GRB2: variants seen among roughly 807,000 people sequenced by gnomAD.
GRB2 encodes growth factor receptor-bound protein 2.
A neutral mutation model predicts 27.4 loss-of-function variants in GRB2; 2 were observed. The ratio of observed to expected loss-of-function variants is 0.07; its 90% CI spans 0.03 to 0.23. The LOEUF (loss-of-function observed/expected upper bound fraction) is 0.23. Among genes scored for constraint, GRB2 ranks in the 10% least tolerant of loss-of-function variants. The pLI, the probability that GRB2 is intolerant of heterozygous loss-of-function variation, is 1.00. For synonymous variants in GRB2, 94 were observed against 99.6 expected, an observed-to-expected ratio of 0.94 and a Z score of 0.33; for missense variants, 102 against 282.4, an observed-to-expected ratio of 0.36 and a Z score of 4.58.
intron 5 of GRB2, 60 bp downstream of exon 5, chr17:75,321,599 T>C: frequency 1.3e-6 from 2 of 1,515,040 alleles, no homozygotes; most frequent in South Asian, 2.3e-5. Flanking sequence ...CCTACAGGAA[T>C]GCACACTGAG....
At chr17:75,337,308 G>A (rs1259182937) in intron 2 of GRB2, among the ~76,000 whole-genome samples, 3 of 151,832 alleles carry the variant, frequency 2.0e-5, no homozygotes, top group African/African-American at 7.3e-5. Flanking sequence ...AAACTGGAGT[G>A]ATGTAATTAG....
intron 2 of GRB2, among the ~76,000 whole-genome samples, chr17:75,384,224 T>C (rs1473124656): frequency 1.3e-5 from 2 of 152,198 alleles, no homozygotes; most frequent in East Asian, 3.8e-4. Flanking sequence ...ACAGTGAACT[T>C]CAGCCTAAGA....
intron 2 of GRB2, among the ~76,000 whole-genome samples, chr17:75,359,314 T>C (rs1161621475): frequency 3.3e-5 from 5 of 151,478 alleles, no homozygotes; most frequent in African/African-American, 1.2e-4. Context: ...AAGACCAGCC[T>C]AGGCAACAAA....
chr17:75,395,682 G>A (rs2079025006), intron 1 of GRB2, among the ~76,000 whole-genome samples: 3 of 151,966 alleles, frequency 2.0e-5, no homozygotes, highest in South Asian at 2.1e-4. Flanking sequence ...TGCTTTCTCA[G>A]TTTATTCCAG....
rs35602764 is a variant in GRB2 at position 75,350,235 on chromosome 17, G to GAAAA, written c.79-17442_79-17439dup. ...TATAGCAAGATCTCATCTCTGAGGG[G>GAAAA]AAAAAAAAAAAAAAAAAGACTGAGT... On this transcript the variant is annotated intron_variant, in intron 2 of 5. Coordinates refer to ENST00000316804, the MANE Select transcript of GRB2 (RefSeq NM_002086.5). 2.7e-3 allele frequency among the ~76,000 whole-genome samples: 352 copies of GAAAA among 130,916 alleles called. 8 individuals are homozygous for GAAAA. The highest frequency in any genetic ancestry group is 0.017 in the East Asian group (77 of 4,438). 85.9% of individuals were successfully genotyped at this position (130,916 alleles called of 152,430 possible). A position where few individuals can be genotyped will look rare whatever the true frequency, so the allele number is the denominator to read the frequency against.
chr17:75,389,390 G>A (rs2078984619), intron 2 of GRB2, among the ~76,000 whole-genome samples: 1 of 152,126 alleles, frequency 6.6e-6, no homozygotes, highest in Admixed American at 6.6e-5. Flanking sequence ...GACTCTAGCA[G>A]TTACAGTGTG....
chr17:75,383,259 A>C (rs2078941357), intron 2 of GRB2, among the ~76,000 whole-genome samples: 1 of 152,198 alleles, frequency 6.6e-6, no homozygotes, highest in Non-Finnish European at 1.5e-5. Flanking sequence ...GGCCCCCAGT[A>C]GGACACAGCA....
chr17:75,321,834 G>A lies in GRB2; in HGVS notation c.300-7C>T. The A allele has an allele frequency of 6.2e-7, 1 of 1,613,056 alleles. No homozygotes were observed. On this transcript the variant is annotated splice_polypyrimidine_tract_variant and splice_region_variant and intron_variant, in intron 4 of 5. Coordinates refer to ENST00000316804, the MANE Select transcript of GRB2 (RefSeq NM_002086.5). ...CTGCACATCGTTTCCAAACCTGGGAGGGACAGAAAGCACATGTGACCGGCT... is the reference window on the plus strand; with the variant it reads ...CTGCACATCGTTTCCAAACCTGGGAAGGACAGAAAGCACATGTGACCGGCT...
At chr17:75,345,905 G>C (rs2078651860) in intron 2 of GRB2, among the ~76,000 whole-genome samples, 1 of 152,128 alleles carries the variant, frequency 6.6e-6, no homozygotes, top group East Asian at 1.9e-4. Flanking sequence ...GCTCTCCTGT[G>C]GGTGGTCTGG....
chr17:75,374,673 G>A (rs1365440018), intron 2 of GRB2, among the ~76,000 whole-genome samples: 1 of 151,828 alleles, frequency 6.6e-6, no homozygotes, highest in Admixed American at 6.6e-5. Flanking sequence ...TGTAGTCCCA[G>A]CTACTCGGGA....
At chr17:75,324,535 TG>T (rs200322235) in intron 4 of GRB2, among the ~76,000 whole-genome samples, 41,435 of 86,098 alleles carry the variant, frequency 0.48, 14,767 homozygotes, top group East Asian at 0.8. Flanking sequence ...TTTTTTTTTT[TG>T]GAGACAGAGT....
chr17:75,374,527 TGAGA>T (rs1346987353), intron 2 of GRB2, among the ~76,000 whole-genome samples: 71 of 151,970 alleles, frequency 4.7e-4, no homozygotes, highest in Non-Finnish European at 5.3e-4. Flanking sequence ...CTCAGGAGTT[TGAGA>T]TTAGCCTGGC....
At chr17:75,385,108 G>A (rs2078955872) in intron 2 of GRB2, among the ~76,000 whole-genome samples, 1 of 149,286 alleles carries the variant, frequency 6.7e-6, no homozygotes, top group African/African-American at 2.5e-5. Flanking sequence ...AGGTGTGGTA[G>A]TGCACAGCTG....
intron 4 of GRB2, among the ~76,000 whole-genome samples, chr17:75,323,810 T>C (rs975446770): frequency 6.7e-6 from 1 of 149,838 alleles, no homozygotes; most frequent in African/African-American, 2.4e-5. Context: ...TCTTTTCTTT[T>C]TTTTTTTTTT....
intron 2 of GRB2, among the ~76,000 whole-genome samples, chr17:75,386,055 A>G (rs1057470820): frequency 2.0e-5 from 3 of 152,340 alleles, no homozygotes; most frequent in African/African-American, 7.2e-5. Context: ...TGGTATATAC[A>G]TAATTGAAAT....
At chr17:75,321,488 C>A (rs944378433) in intron 5 of GRB2, among the ~76,000 whole-genome samples, 171 bp downstream of exon 5, 6 of 152,030 alleles carry the variant, frequency 3.9e-5, no homozygotes, top group African/African-American at 1.4e-4. Flanking sequence ...GAAAAAAGAA[C>A]TCTTTAGTGT....
chr17:75,365,359 CAG>C (rs1277804122), intron 2 of GRB2, among the ~76,000 whole-genome samples: 1 of 152,182 alleles, frequency 6.6e-6, no homozygotes, highest in Non-Finnish European at 1.5e-5. Context: ...TCTTCCTGGA[CAG>C]AACTTTATAT....
chr17:75,393,830 C>A (rs1206113042), intron 1 of GRB2, 65 bp from the exon 2 acceptor site: 1 of 552,142 alleles, frequency 1.8e-6, no homozygotes, highest in East Asian at 3.1e-5. Context: ...CCCTGCCAAT[C>A]GGCCTGCTGT....
chr17:75,387,216 T>C (rs2078969844), intron 2 of GRB2, among the ~76,000 whole-genome samples: 1 of 151,746 alleles, frequency 6.6e-6, no homozygotes, highest in African/African-American at 2.4e-5. Context: ...AAGCCTGTAA[T>C]CCTAGCCAAG....
Sources: gnomAD v4.1 joint callset for allele counts (sites outside exome capture counted in the v4.1 genomes callset) on GRCh38, gnomAD v4.1.1 for gene constraint, MANE v1.5 for transcripts, NCBI Gene and HGNC (gene_info 2026-07-23, HGNC 2026-07-21) for gene names.